Variants in SHISA9 observed in about 807,000 individuals in gnomAD.
SHISA9 encodes protein shisa-9.
Under a neutral mutation model 38.0 loss-of-function variants are expected in SHISA9, and 13 were observed. The observed-to-expected ratio is 0.34, with a 90% CI of 0.22 to 0.54. SHISA9 has a LOEUF of 0.54. Among genes scored for constraint, SHISA9 ranks in the 20% least tolerant of loss-of-function variants. The pLI, the probability that SHISA9 is intolerant of heterozygous loss-of-function variation, is 0.91. For missense variants in SHISA9, 538 were observed against 575.8 expected, an observed-to-expected ratio of 0.93 and a Z score of 0.67; for synonymous variants, 275 against 242.0, an observed-to-expected ratio of 1.14 and a Z score of -1.27.
At chr16:13,362,941 T>C in the SHISA9 span, among the ~76,000 whole-genome samples, 2 of 152,232 alleles carry the variant, frequency 1.3e-5, no homozygotes, top group African/African-American at 4.8e-5. Flanking sequence ...AAAGGAATGC[T>C]GATGCCAACT....
the SHISA9 span, among the ~76,000 whole-genome samples, chr16:13,507,503 C>A: frequency 6.6e-6 from 1 of 152,158 alleles, no homozygotes; most frequent in Non-Finnish European, 1.5e-5. Context: ...CAGATGCAGA[C>A]TTCCCAGCCT....
chr16:13,462,289 T>C, the SHISA9 span, among the ~76,000 whole-genome samples: 11,917 of 152,002 alleles, frequency 0.078, 594 homozygotes, highest in South Asian at 0.18. Flanking sequence ...GTCAAACCAC[T>C]TATTTAATCT....
chr16:12,937,495 A>G (rs2071549752), intron 2 of SHISA9, among the ~76,000 whole-genome samples: 1 of 152,222 alleles, frequency 6.6e-6, no homozygotes, highest in South Asian at 2.1e-4. Context: ...GGTTGGCCTA[A>G]CAAAATAACA....
the SHISA9 span, among the ~76,000 whole-genome samples, chr16:13,389,528 C>T: frequency 1.3e-5 from 2 of 152,106 alleles, no homozygotes; most frequent in African/African-American, 4.8e-5. Context: ...GAAAACATTT[C>T]ATTGTCTGGA....
intron 2 of SHISA9, among the ~76,000 whole-genome samples, chr16:12,971,559 C>A (rs970722141): frequency 2.0e-5 from 3 of 152,328 alleles, no homozygotes; most frequent in Admixed American, 6.5e-5. Flanking sequence ...AGCCTCCTCC[C>A]TGTGCTCTGG....
chr16:12,912,596 C>T (rs1479985439), intron 1 of SHISA9, among the ~76,000 whole-genome samples: 1 of 152,152 alleles, frequency 6.6e-6, no homozygotes, highest in African/African-American at 2.4e-5. Flanking sequence ...GTGAAAAAGG[C>T]AAGTTAGGTT....
intron 1 of SHISA9, among the ~76,000 whole-genome samples, chr16:12,913,983 C>G (rs530328170): frequency 4.0e-5 from 6 of 151,700 alleles, no homozygotes; most frequent in African/African-American, 1.5e-4. Context: ...CTCTCTTGAT[C>G]ACATTACTCT....
the SHISA9 span, among the ~76,000 whole-genome samples, chr16:13,408,900 C>G: frequency 6.6e-6 from 1 of 152,188 alleles, no homozygotes; most frequent in Non-Finnish European, 1.5e-5. Context: ...AGGGCCGTTT[C>G]CCGGCAAAGG....
At chr16:13,394,442 G>T in the SHISA9 span, among the ~76,000 whole-genome samples, 2 of 152,168 alleles carry the variant, frequency 1.3e-5, no homozygotes, top group Non-Finnish European at 2.9e-5. Flanking sequence ...TATTTGCTCA[G>T]TCTTATCTCC....
chr16:13,297,216 T>C, the SHISA9 span, among the ~76,000 whole-genome samples: 1 of 152,218 alleles, frequency 6.6e-6, no homozygotes, highest in Non-Finnish European at 1.5e-5. Context: ...TTTTTACTTC[T>C]ATAAAGGCTA....
At chr16:13,341,445 G>GA in the SHISA9 span, among the ~76,000 whole-genome samples, 5 of 151,916 alleles carry the variant, frequency 3.3e-5, no homozygotes, top group Admixed American at 6.6e-5. Context: ...GATGGAGATT[G>GA]AAAAAAATCC....
rs535260410 is a variant in SHISA9 at position 13,015,821 on chromosome 16, G to T, written c.691+99006G>T. On this transcript the variant is annotated intron_variant, in intron 2 of 4. Transcript: ENST00000558583. ...TTTCTTTCTTTAAGTTTGTTTGTTT[G>T]TTTCTCTCTCTCTCTTTTCTTTCTT... 8.2e-4 allele frequency among the ~76,000 whole-genome samples: 112 copies of T among 136,862 alleles called. 2 individuals are homozygous for T. Among genetic ancestry groups the T allele is most frequent in the African/African-American group, 2.7e-3 (107 of 39,256 alleles). The allele number at this position is 136,862 out of a possible 152,430, so 89.8% of individuals were successfully genotyped here. A position where few individuals can be genotyped will look rare whatever the true frequency, so the allele number is the denominator to read the frequency against.
At chr16:13,176,422 C>A (rs1166927117) in intron 2 of SHISA9, among the ~76,000 whole-genome samples, 1 of 152,206 alleles carries the variant, frequency 6.6e-6, no homozygotes, top group African/African-American at 2.4e-5. Flanking sequence ...CTCGTCCTGA[C>A]CCCAAAGTCT....
the SHISA9 span, among the ~76,000 whole-genome samples, chr16:13,341,983 C>G: frequency 1.3e-5 from 2 of 152,288 alleles, no homozygotes; most frequent in Middle Eastern, 3.4e-3. Flanking sequence ...TCCTCTCCTT[C>G]TCACAGTCAA....
chr16:13,355,066 T>A, the SHISA9 span, among the ~76,000 whole-genome samples: 15,202 of 148,398 alleles, frequency 0.1, 850 homozygotes, highest in South Asian at 0.21. Context: ...TAGAACAGAA[T>A]AATGGGTTGT....
At chr16:13,400,378 A>G in the SHISA9 span, among the ~76,000 whole-genome samples, 1 of 152,028 alleles carries the variant, frequency 6.6e-6, no homozygotes, top group African/African-American at 2.4e-5. Context: ...ACACACACAC[A>G]CACACATATT....
chr16:13,195,106 G>A (rs928009973), intron 2 of SHISA9, among the ~76,000 whole-genome samples: 6 of 152,088 alleles, frequency 3.9e-5, no homozygotes, highest in African/African-American at 1.4e-4. Context: ...CAGCATAGAG[G>A]GAGTAGAAAA....
the SHISA9 span, among the ~76,000 whole-genome samples, chr16:13,453,180 G>A: frequency 1.8e-3 from 271 of 152,162 alleles, 1 homozygote; most frequent in African/African-American, 6.2e-3. Flanking sequence ...GAGCCACCGC[G>A]CCCAGCCTTG....
At chr16:13,427,215 A>G in the SHISA9 span, among the ~76,000 whole-genome samples, 2 of 152,338 alleles carry the variant, frequency 1.3e-5, no homozygotes, top group East Asian at 3.9e-4. Flanking sequence ...CATCAGCCAG[A>G]GTCACACGTC....
Sources: allele counts gnomAD v4.1 joint callset (sites outside exome capture counted in the v4.1 genomes callset), GRCh38; gene constraint gnomAD v4.1.1; transcripts MANE v1.5; gene names NCBI Gene and HGNC (gene_info 2026-07-23, HGNC 2026-07-21).